Variants in FBRSL1 observed in about 807,000 individuals in gnomAD.
FBRSL1 encodes fibrosin-1-like protein.
In FBRSL1, 51 loss-of-function variants were observed where a neutral mutation model predicts 89.6. The observed-to-expected ratio is 0.57, with a 90% CI of 0.45 to 0.72. The LOEUF (loss-of-function observed/expected upper bound fraction) is 0.72. Ranked by LOEUF, FBRSL1 falls within the 30% of genes least tolerant of loss-of-function variation. The pLI is 0.00. For missense variants in FBRSL1, 1,618 were observed against 1,451.8 expected (o/e 1.11, Z -1.86); for synonymous variants, 779 against 681.1 (o/e 1.14, Z -2.24).
Position 132,582,098 on chromosome 12 carries a change from C to G in FBRSL1, c.2033C>G (p.Ser678Cys). ...GGSIFAPKEGSSVHGLPSPHE... is the reference protein window; with the variant it reads ...GGSIFAPKEGCSVHGLPSPHE... ...AGCATCTTTGCCCCCAAGGAGGGCT[C>G]CTCCGTGCACGGCCTGCCCAGCCCC... is the stretch of plus-strand genomic sequence containing the variant. The change falls in exon 18 of 19, where the codon TCC becomes TGC. Residue 678 changes from serine (S) to cysteine (C), a missense_variant. By Grantham distance (112) the Ser-to-Cys change is moderately radical. Transcript: ENST00000680143. The G allele has an allele frequency of 6.5e-7, 1 of 1,549,312 alleles. No homozygotes were observed. Among genetic ancestry groups the G allele is most frequent in the Non-Finnish European group, 8.7e-7 (1 of 1,146,410 alleles).
chr12:132,504,919 C>T (rs2033496189), intron 1 of FBRSL1, among the ~76,000 whole-genome samples: 1 of 152,150 alleles, frequency 6.6e-6, no homozygotes, highest in Admixed American at 6.5e-5. Flanking sequence ...CACCTGAGGT[C>T]AGGAGTTTGA....
At chr12:132,505,758 G>A (rs555426455) in intron 1 of FBRSL1, among the ~76,000 whole-genome samples, 1 of 152,348 alleles carries the variant, frequency 6.6e-6, no homozygotes, top group Admixed American at 6.5e-5. Flanking sequence ...AACCTGCCAG[G>A]CGAAGCCCAC....
At chr12:132,573,097 C>T (rs951808569) in intron 11 of FBRSL1, among the ~76,000 whole-genome samples, 9 of 152,196 alleles carry the variant, frequency 5.9e-5, no homozygotes, top group African/African-American at 2.2e-4. Context: ...TGTGCCATCT[C>T]AGCCAGGGGA....
In FBRSL1 at chr12:132,570,527, A is replaced by C. The variant is rs750436675; in HGVS notation, c.1200A>C (p.Pro400=). ...PALPASSLVL[P]GHPADASLAV... ...TGCCGGCCAGCAGCCTGGTCCTCCCAGGACACCCGGCCGGTAGGTGTCTCG... is the reference window on the plus strand; with the variant it reads ...TGCCGGCCAGCAGCCTGGTCCTCCCCGGACACCCGGCCGGTAGGTGTCTCG... Residue 400 remains proline (P), a synonymous_variant, in exon 8 of 19, where the codon CCA becomes CCC. Transcript: ENST00000680143. The C allele has an allele frequency of 2.4e-5, 37 of 1,515,610 alleles. No individual in the cohort carries two copies. The highest frequency in any genetic ancestry group is 2.9e-5 in the Non-Finnish European group (33 of 1,135,842). The allele number at this position is 1,515,610 out of a possible 1,614,324, so 93.9% of individuals were successfully genotyped here. A position where few individuals can be genotyped will look rare whatever the true frequency, so the allele number is the denominator to read the frequency against.
intron 15 of FBRSL1, among the ~76,000 whole-genome samples, chr12:132,579,082 C>G (rs939787961): frequency 6.6e-6 from 1 of 151,752 alleles, no homozygotes; most frequent in Admixed American, 6.6e-5. Flanking sequence ...TACCTGGTGG[C>G]TGTCCCTCGG....
intron 1 of FBRSL1, among the ~76,000 whole-genome samples, chr12:132,498,855 G>A (rs1179721282): frequency 6.6e-6 from 1 of 152,230 alleles, no homozygotes; most frequent in Non-Finnish European, 1.5e-5. Context: ...TGTGTGATGC[G>A]TGGAAACTGA....
chr12:132,572,509 G>C lies in FBRSL1; in HGVS notation c.1435-18G>C. 2 of 1,542,250 alleles carry C rather than the reference G, an allele frequency of 1.3e-6. No homozygotes were observed. Among genetic ancestry groups the C allele is most frequent in the Non-Finnish European group, 1.8e-6 (2 of 1,138,544 alleles). On this transcript the variant is annotated intron_variant, in intron 10 of 18. Transcript: ENST00000680143. ...GAGGACTTGGGCCCCCCCTCCATCCGCTCTCCTTCTCTTACAGTTCTTCCC... is the reference window on the plus strand; with the variant it reads ...GAGGACTTGGGCCCCCCCTCCATCCCCTCTCCTTCTCTTACAGTTCTTCCC...
At chr12:132,503,522 G>T (rs2033296462) in intron 1 of FBRSL1, among the ~76,000 whole-genome samples, 1 of 152,248 alleles carries the variant, frequency 6.6e-6, no homozygotes, top group African/African-American at 2.4e-5. Flanking sequence ...GGGGAGATGG[G>T]TCATGGTGGG....
At chr12:132,582,537 G>GC (rs1279260157) in intron 18 of FBRSL1, among the ~76,000 whole-genome samples, 1 of 151,700 alleles carries the variant, frequency 6.6e-6, no homozygotes, top group African/African-American at 2.4e-5. Context: ...ACTCCTCCCT[G>GC]CGGTGGGGAG....
rs991562551 is a variant in FBRSL1, at chr12:132,555,706, TA to T, written c.645+7675del. Among the ~76,000 whole-genome samples the T allele has an allele frequency of 3.3e-5, 5 of 152,218 alleles. No homozygotes were observed. In the East Asian group the frequency reaches 9.6e-4, roughly 29 times the overall value. On this transcript the variant is annotated intron_variant, in intron 5 of 18. Coordinates refer to ENST00000680143, the MANE Select transcript of FBRSL1 (RefSeq NM_001367871.1). ...CCCTGGCTGGTGGTTGCATTGCTCCTATCTCTGCCCCTGTCCGTCCTCACAT... is the reference window on the plus strand; with the variant it reads ...CCCTGGCTGGTGGTTGCATTGCTCCTTCTCTGCCCCTGTCCGTCCTCACAT...
At chr12:132,578,469 G>A (rs1047227881) in intron 15 of FBRSL1, among the ~76,000 whole-genome samples, 7 of 152,242 alleles carry the variant, frequency 4.6e-5, no homozygotes, top group African/African-American at 1.7e-4. Context: ...GAGGAGGAGG[G>A]GCCGGTCTCG....
intron 1 of FBRSL1, among the ~76,000 whole-genome samples, chr12:132,491,574 C>T (rs1485761817): frequency 6.6e-6 from 1 of 152,252 alleles, no homozygotes; most frequent in Non-Finnish European, 1.5e-5. Flanking sequence ...AGGTGTGCCC[C>T]GTGCAGCACT....
intron 18 of FBRSL1, 99 bp from the exon 19 acceptor site, chr12:132,582,872 G>GA: frequency 9.6e-7 from 1 of 1,038,362 alleles, no homozygotes; most frequent in South Asian, 2.4e-5. Flanking sequence ...CGGCCACCCA[G>GA]AAACTGGAGG....
At chr12:132,570,566 C>T in intron 8 of FBRSL1, 26 bp downstream of exon 8, 1 of 1,478,692 alleles carries the variant, frequency 6.8e-7, no homozygotes, top group Non-Finnish European at 8.9e-7. Flanking sequence ...ACAATCTCGC[C>T]CAGGGCAGGG....
In FBRSL1 at chr12:132,583,079, C is replaced by T. The variant is rs1566255938; in HGVS notation, c.2310C>T (p.Ser770=). 1 of 1,444,586 alleles carries T rather than the reference C, an allele frequency of 6.9e-7. No homozygotes were observed. The highest frequency in any genetic ancestry group is 9.1e-7 in the Non-Finnish European group (1 of 1,103,032). The allele number at this position is 1,444,586 out of a possible 1,614,324, so 89.5% of individuals were successfully genotyped here. A position where few individuals can be genotyped will look rare whatever the true frequency, so the allele number is the denominator to read the frequency against. Residue 770 remains serine (S), a synonymous_variant, in exon 19 of 19, where the codon TCC becomes TCT. Coordinates refer to ENST00000680143, the MANE Select transcript of FBRSL1 (RefSeq NM_001367871.1). The part of the protein sequence containing the change: ...LLRAQSELGR[S]GAPAEREAEP... The stretch of plus-strand genomic sequence containing the variant: ...GGGCCCAGAGCGAGCTGGGCCGGTC[C>T]GGGGCCCCCGCGGAGCGCGAGGCCG...
At position 132,583,553 on chromosome 12, in the gene FBRSL1, G is replaced by C; in HGVS notation, c.2784G>C (p.Leu928=). The part of the protein sequence containing the change: ...DGALLPSLGA[L]HFPRLSPAAL... Reference sequence around the variant, plus strand: ...CGCTGCTGCCCTCGCTGGGAGCCCTGCACTTCCCGCGCCTCTCGCCCGCCG... The same window carrying C: ...CGCTGCTGCCCTCGCTGGGAGCCCTCCACTTCCCGCGCCTCTCGCCCGCCG... Residue 928 remains leucine, a synonymous_variant, in exon 19 of 19, where the codon CTG becomes CTC. Coordinates refer to ENST00000680143, the MANE Select transcript of FBRSL1 (RefSeq NM_001367871.1). The C allele has an allele frequency of 9.6e-7, 1 of 1,041,190 alleles. No homozygotes were observed. Among genetic ancestry groups the C allele is most frequent in the South Asian group, 3.0e-5 (1 of 33,576 alleles). 64.5% of individuals were successfully genotyped at this position (1,041,190 alleles called of 1,614,324 possible). A position where few individuals can be genotyped will look rare whatever the true frequency, so the allele number is the denominator to read the frequency against.
intron 1 of FBRSL1, chr12:132,507,388 G>A: frequency 1.0e-6 from 1 of 985,554 alleles, no homozygotes; most frequent in South Asian, 4.7e-5. Context: ...GCATACAGAA[G>A]GTGCTTACTA....
chr12:132,572,840 G>A (rs2040129738), intron 11 of FBRSL1, among the ~76,000 whole-genome samples: 1 of 152,228 alleles, frequency 6.6e-6, no homozygotes, highest in Non-Finnish European at 1.5e-5. Context: ...TCCAGCCTGG[G>A]AGCAGCCCTG....
chr12:132,582,328 C>T (rs1418305379), intron 18 of FBRSL1, 62 bp downstream of exon 18: 10 of 1,407,632 alleles, frequency 7.1e-6, no homozygotes, highest in African/African-American at 2.9e-5. Flanking sequence ...TTCCCCCCTC[C>T]CGTCATCCCC....
Sources: gnomAD v4.1 joint callset for allele counts (sites outside exome capture counted in the v4.1 genomes callset) on GRCh38, gnomAD v4.1.1 for gene constraint, MANE v1.5 for transcripts, NCBI Gene and HGNC (gene_info 2026-07-23, HGNC 2026-07-21) for gene names.